The following RPGRIP1L variants were observed in gnomAD, a reference collection of about 807,000 sequenced individuals.
The protein encoded by RPGRIP1L is RPGRIP1 like, also known as protein fantom.
In RPGRIP1L, 131 loss-of-function variants were observed where a neutral mutation model predicts 160.4. The observed-to-expected ratio is 0.82, with a 90% CI of 0.71 to 0.94. RPGRIP1L has a LOEUF of 0.94. RPGRIP1L is among the 40% of genes least tolerant of loss of function. RPGRIP1L has a pLI of 0.00. For missense variants in RPGRIP1L, 1,522 were observed against 1,535.8 expected (o/e 0.99, Z 0.15); for synonymous variants, 510 against 515.8 (o/e 0.99, Z 0.15).
At chr16:53,644,576 G>T (rs1372972213) in intron 17 of RPGRIP1L, among the ~76,000 whole-genome samples, 1 of 152,062 alleles carries the variant, frequency 6.6e-6, no homozygotes, top group Non-Finnish European at 1.5e-5. Context: ...GAAAAACCTG[G>T]AAAACAACAT....
intron 6 of RPGRIP1L, among the ~76,000 whole-genome samples, chr16:53,680,542 G>A (rs530624418): frequency 1.3e-5 from 2 of 152,004 alleles, no homozygotes; most frequent in South Asian, 4.2e-4. Context: ...TAGATCAAAA[G>A]AAAATAAAAC....
At chr16:53,663,998 G>T (rs1968030358) in intron 10 of RPGRIP1L, among the ~76,000 whole-genome samples, 1 of 152,158 alleles carries the variant, frequency 6.6e-6, no homozygotes, top group Non-Finnish European at 1.5e-5. Context: ...CTGTTTTTTA[G>T]TGAGTATGTA....
At chr16:53,645,137 T>C (rs1413474668) in intron 17 of RPGRIP1L, among the ~76,000 whole-genome samples, 2 of 152,064 alleles carry the variant, frequency 1.3e-5, no homozygotes, top group African/African-American at 2.4e-5. Context: ...ATAAAGAATA[T>C]CAAAAATGCA....
chr16:53,605,295 G>A, intron 26 of RPGRIP1L, 186 bp downstream of exon 26: 1 of 644,758 alleles, frequency 1.6e-6, no homozygotes, highest in Non-Finnish European at 2.8e-6. Flanking sequence ...AAGGAAAGCA[G>A]GGGGGAGGAC....
chr16:53,623,630 C>T (rs1964884506), intron 22 of RPGRIP1L, among the ~76,000 whole-genome samples: 1 of 152,172 alleles, frequency 6.6e-6, no homozygotes, highest in South Asian at 2.1e-4. Flanking sequence ...GGCCCTGAAC[C>T]ACACATCCTC....
At chr16:53,664,759 T>C in intron 10 of RPGRIP1L, 111 bp downstream of exon 10, 1 of 1,204,134 alleles carries the variant, frequency 8.3e-7, no homozygotes, top group Non-Finnish European at 1.2e-6. Context: ...CTGTCCCTCA[T>C]ACATTGCGGG....
chr16:53,645,807 T>C lies in RPGRIP1L; in HGVS notation c.2501A>G (p.Asn834Ser). 2 of 1,614,202 alleles carry C rather than the reference T, an allele frequency of 1.2e-6. No individual in the cohort carries two copies. The highest frequency in any genetic ancestry group is 1.7e-6 in the Non-Finnish European group (2 of 1,180,024). ...DHDTAIIPSS[N>S]DPQFDDHMYF... ...CATATGATCATCAAACTGTGGATCA[T>C]TGCTACTGGGAATGATAGCTGTATC... Residue 834 changes from asparagine to serine, a missense_variant, in exon 17 of 27, where the codon AAT (asparagine) becomes AGT (serine). By Grantham distance (46) the Asn-to-Ser change is conservative. Coordinates refer to ENST00000647211, the MANE Select transcript of RPGRIP1L (RefSeq NM_015272.5).
At chr16:53,684,826 C>T (rs1446054257) in intron 6 of RPGRIP1L, among the ~76,000 whole-genome samples, 1 of 150,906 alleles carries the variant, frequency 6.6e-6, no homozygotes, top group Non-Finnish European at 1.5e-5. Context: ...AACGAAGATG[C>T]CAAAAGCAAT....
At chr16:53,609,117 C>A (rs912626343) in intron 25 of RPGRIP1L, among the ~76,000 whole-genome samples, 1 of 152,170 alleles carries the variant, frequency 6.6e-6, no homozygotes, top group Admixed American at 6.5e-5. Context: ...GAGACAGGGT[C>A]TTGCTCTCTC....
At position 53,692,381 on chromosome 16, in the gene RPGRIP1L, A is replaced by T. The variant is rs1970450331; in HGVS notation, c.231-17T>A. 1 of 1,609,266 alleles carries T rather than the reference A, an allele frequency of 6.2e-7. No homozygotes were observed. The highest frequency in any genetic ancestry group is 1.3e-5 in the African/African-American group (1 of 74,950). ...GTGGCCATTCTGGGGAAATAATAAA[A>T]AGATGAAAAGGAATGTGAGAAGTCA... On this transcript the variant is annotated splice_polypyrimidine_tract_variant and intron_variant, in intron 3 of 26. Transcript: ENST00000647211.
intron 22 of RPGRIP1L, among the ~76,000 whole-genome samples, chr16:53,626,458 C>A (rs1401894900): frequency 6.6e-6 from 1 of 151,974 alleles, no homozygotes; most frequent in African/African-American, 2.4e-5. Context: ...TTCTTGTTCA[C>A]CAATTACCCT....
At chr16:53,644,242 G>C (rs920413331) in intron 17 of RPGRIP1L, among the ~76,000 whole-genome samples, 2 of 152,122 alleles carry the variant, frequency 1.3e-5, no homozygotes, top group Non-Finnish European at 2.9e-5. Flanking sequence ...GTAGAAGAAA[G>C]AATTAATGGA....
At chr16:53,702,673 ATTTCT>A (rs1233447868) in intron 1 of RPGRIP1L, among the ~76,000 whole-genome samples, 15 of 144,810 alleles carry the variant, frequency 1.0e-4, no homozygotes, top group East Asian at 2.1e-4. Flanking sequence ...TTCACTGTTT[ATTTCT>A]TTTCTTTTCT....
chr16:53,652,877 C>T lies in RPGRIP1L; in HGVS notation c.1810G>A (p.Glu604Lys), dbSNP rs143863631. The stretch of plus-strand genomic sequence containing the variant: ...TTGATATGGATTTCAAATAGATTTT[C>T]GCCTCGTTCTAAGTGGATGGTTTCA... ...FDETIHLERGENLFEIHINKV... is the reference protein window; with the variant it reads ...FDETIHLERGKNLFEIHINKV... The change falls in exon 15 of 27, where the codon GAA becomes AAA. Residue 604 changes from glutamate (E) to lysine (K), a missense_variant. Coordinates refer to ENST00000647211, the MANE Select transcript of RPGRIP1L (RefSeq NM_015272.5). 883 of 1,612,524 alleles carry T rather than the reference C, an allele frequency of 5.5e-4. 7 individuals carry two copies. In the East Asian group the frequency reaches 0.011, roughly 20 times the overall value.
chr16:53,697,758 G>T (rs888110899), intron 2 of RPGRIP1L, among the ~76,000 whole-genome samples: 3 of 152,114 alleles, frequency 2.0e-5, no homozygotes, highest in African/African-American at 7.2e-5. Context: ...AAAGTGCCCA[G>T]AGTGCAGCCT....
chr16:53,609,790 A>C (rs916504290), intron 25 of RPGRIP1L, among the ~76,000 whole-genome samples: 1 of 152,100 alleles, frequency 6.6e-6, no homozygotes, highest in African/African-American at 2.4e-5. Flanking sequence ...GTCAAACCTG[A>C]GTGATTACCA....
Position 53,681,418 on chromosome 16 carries a change from T to G in RPGRIP1L, c.776+5015A>C, listed in dbSNP as rs907957405. Among the ~76,000 whole-genome samples, 4 of 151,616 alleles carry G rather than the reference T, an allele frequency of 2.6e-5. No individual in the cohort carries two copies. The East Asian group carries it at 8.2e-4, about 31-fold the overall frequency. On this transcript the variant is annotated intron_variant, in intron 6 of 26. Coordinates refer to ENST00000647211, the MANE Select transcript of RPGRIP1L (RefSeq NM_015272.5). ...TTAACGTTCATGTACATGTGTTCAC[T>G]GGTTACTGCTTTGAATTTAATTTAA...
intron 4 of RPGRIP1L, among the ~76,000 whole-genome samples, chr16:53,689,728 T>C (rs565223895): frequency 3.1e-4 from 47 of 152,326 alleles, no homozygotes; most frequent in African/African-American, 1.1e-3. Flanking sequence ...AAGGTAGTCC[T>C]GGAGAGCCTG....
At chr16:53,657,148 G>C (rs533423734) in intron 13 of RPGRIP1L, among the ~76,000 whole-genome samples, 1 of 152,062 alleles carries the variant, frequency 6.6e-6, no homozygotes, top group Non-Finnish European at 1.5e-5. Flanking sequence ...GCTGAGGCAA[G>C]AGAATCACTT....
Sources: allele counts gnomAD v4.1 joint callset (sites outside exome capture counted in the v4.1 genomes callset), GRCh38; gene constraint gnomAD v4.1.1; transcripts MANE v1.5; gene names NCBI Gene and HGNC (gene_info 2026-07-23, HGNC 2026-07-21).